CNTN3: variants seen among roughly 807,000 people sequenced by gnomAD.
CNTN3 encodes contactin 3.
In CNTN3, 60 loss-of-function variants were observed where a neutral mutation model predicts 119.1. That is an observed-to-expected ratio of 0.50 (90% CI 0.41 to 0.62). The LOEUF (loss-of-function observed/expected upper bound fraction) is 0.62. Among genes scored for constraint, CNTN3 ranks in the 20% least tolerant of loss-of-function variants. CNTN3 has a pLI of 0.00. For missense variants in CNTN3, 1,101 were observed against 1,242.4 expected (o/e 0.89, Z 1.71); for synonymous variants, 450 against 438.7 (o/e 1.03, Z -0.32).
intron 4 of CNTN3, among the ~76,000 whole-genome samples, chr3:74,475,177 C>G (rs1260927661): frequency 2.0e-5 from 3 of 152,180 alleles, no homozygotes; most frequent in East Asian, 3.9e-4. Context: ...ACCTGCTTCA[C>G]TCACTAACAT....
intron 11 of CNTN3, among the ~76,000 whole-genome samples, chr3:74,339,592 G>C (rs1703480813): frequency 6.6e-6 from 1 of 151,884 alleles, no homozygotes; most frequent in Non-Finnish European, 1.5e-5. Context: ...GTTCTTATTT[G>C]ACTAATATTT....
intron 13 of CNTN3, among the ~76,000 whole-genome samples, chr3:74,321,925 G>C (rs757468213): frequency 3.3e-5 from 5 of 152,036 alleles, no homozygotes; most frequent in Non-Finnish European, 5.9e-5. Context: ...GAAAGCACCA[G>C]GTCCAGATGG....
Position 74,365,719 on chromosome 3 carries a change from G to A in CNTN3, c.947-17C>T, listed in dbSNP as rs1170352007. ...GGGGCTTTGCTTCAATGAAAGAAAA[G>A]GAAAAAGAAAAGAAATTTAAACCAC... On this transcript the variant is annotated splice_polypyrimidine_tract_variant and intron_variant, in intron 8 of 22. Coordinates refer to ENST00000263665, the MANE Select transcript of CNTN3 (RefSeq NM_020872.3). 3.8e-6 allele frequency: 6 copies of A among 1,583,242 alleles called. No individual in the cohort carries two copies. The Admixed American group carries it at 5.5e-5, about 15-fold the overall frequency.
At chr3:74,287,953 C>T (rs561757685) in intron 19 of CNTN3, among the ~76,000 whole-genome samples, 108 of 152,272 alleles carry the variant, frequency 7.1e-4, no homozygotes, top group African/African-American at 2.5e-3. Flanking sequence ...CACTTGAATG[C>T]ATTTTTGCCT....
Position 74,599,578 on chromosome 3 carries a change from T to C in CNTN3, c.-81+14813A>G, listed in dbSNP as rs1011748019. On this transcript the variant is annotated intron_variant, in intron 1 of 22. Transcript: ENST00000263665. The stretch of plus-strand genomic sequence containing the variant: ...ATCCCTCACATACGCAATTCACAAA[T>C]GGGTTTGCACTCCTATGAGGATCTC... Among the ~76,000 whole-genome samples the C allele has an allele frequency of 3.9e-5, 6 of 151,996 alleles. No individual in the cohort carries two copies. In the East Asian group the frequency reaches 9.7e-4, roughly 25 times the overall value.
intron 1 of CNTN3, among the ~76,000 whole-genome samples, chr3:74,587,170 G>A (rs201583010): frequency 6.6e-6 from 1 of 152,142 alleles, no homozygotes; most frequent in South Asian, 2.1e-4. Context: ...AATGTGGGTG[G>A]GAGGTGGGGG....
chr3:74,455,295 C>T (rs1702246849), intron 4 of CNTN3, among the ~76,000 whole-genome samples: 4 of 151,998 alleles, frequency 2.6e-5, no homozygotes, highest in East Asian at 1.9e-4. Context: ...TTGATCGCAT[C>T]GGCTCCTGAG....
intron 5 of CNTN3, among the ~76,000 whole-genome samples, chr3:74,417,266 C>G (rs2106882031): frequency 6.6e-6 from 1 of 152,282 alleles, no homozygotes; most frequent in East Asian, 1.9e-4. Flanking sequence ...TCCTATCTAT[C>G]TTCCTATTTC....
chr3:74,596,880 C>A (rs1284125975), intron 1 of CNTN3, among the ~76,000 whole-genome samples: 1 of 151,964 alleles, frequency 6.6e-6, no homozygotes, highest in Admixed American at 6.6e-5. Flanking sequence ...GGCAGAGATC[C>A]AACATCTTCA....
intron 1 of CNTN3, among the ~76,000 whole-genome samples, chr3:74,531,269 G>T (rs1703689318): frequency 6.6e-6 from 1 of 151,952 alleles, no homozygotes. Context: ...CAGAAGTGGA[G>T]TGGGTGGGGC....
intron 1 of CNTN3, among the ~76,000 whole-genome samples, chr3:74,556,251 A>C (rs1232808621): frequency 6.6e-6 from 1 of 152,162 alleles, no homozygotes; most frequent in Non-Finnish European, 1.5e-5. Flanking sequence ...TAAGAACACT[A>C]TCTAATTTTC....
At chr3:74,477,561 G>A (rs1382039947) in intron 4 of CNTN3, among the ~76,000 whole-genome samples, 1 of 152,100 alleles carries the variant, frequency 6.6e-6, no homozygotes, top group Non-Finnish European at 1.5e-5. Flanking sequence ...AATAAGGATG[G>A]TTACTAGAGG....
At chr3:74,532,145 C>T (rs898714679) in intron 1 of CNTN3, among the ~76,000 whole-genome samples, 7 of 151,922 alleles carry the variant, frequency 4.6e-5, no homozygotes, top group African/African-American at 1.7e-4. Flanking sequence ...GAAGGATCAG[C>T]CACATAGTGG....
intron 4 of CNTN3, among the ~76,000 whole-genome samples, chr3:74,470,859 A>G (rs569579469): frequency 8.4e-5 from 11 of 130,576 alleles, no homozygotes; most frequent in Admixed American, 3.1e-4. Flanking sequence ...ATGCCAAAAC[A>G]TATTCGGTTT....
rs900013937 is a variant in CNTN3, at chr3:74,307,468, T to G, written c.1669-4661A>C. ...ATGGATTTGTAAGCCAAAGCATCCT[T>G]GAAATAAATGCTAAGGGAAAAGCCA... On this transcript the variant is annotated intron_variant, in intron 13 of 22. Coordinates refer to ENST00000263665, the MANE Select transcript of CNTN3 (RefSeq NM_020872.3). Among the ~76,000 whole-genome samples the G allele has an allele frequency of 1.9e-4, 29 of 152,246 alleles. 1 individual carries two copies. Among genetic ancestry groups the G allele is most frequent in the African/African-American group, 7.0e-4 (29 of 41,550 alleles).
chr3:74,597,089 G>T (rs6785957), intron 1 of CNTN3, among the ~76,000 whole-genome samples: 4 of 151,756 alleles, frequency 2.6e-5, no homozygotes, highest in South Asian at 2.1e-4. Flanking sequence ...TTAATGAGAG[G>T]GGGGAAGGAA....
chr3:74,544,609 C>A (rs1703887673), intron 1 of CNTN3, among the ~76,000 whole-genome samples: 1 of 151,864 alleles, frequency 6.6e-6, no homozygotes, highest in Admixed American at 6.6e-5. Flanking sequence ...GGGGGGAAAG[C>A]AGTGCGGGGG....
intron 5 of CNTN3, among the ~76,000 whole-genome samples, chr3:74,420,022 T>G (rs141868277): frequency 0.011 from 1,742 of 152,336 alleles, 36 homozygotes; most frequent in African/African-American, 0.039. Flanking sequence ...CTTCTATTTC[T>G]GGCTTTTGAT....
intron 4 of CNTN3, among the ~76,000 whole-genome samples, chr3:74,466,465 C>A (rs932081482): frequency 6.6e-6 from 1 of 152,042 alleles, no homozygotes; most frequent in Non-Finnish European, 1.5e-5. Context: ...AACTATTATG[C>A]TGAAAGTATC....
Sources: allele counts gnomAD v4.1 joint callset (sites outside exome capture counted in the v4.1 genomes callset), GRCh38; gene constraint gnomAD v4.1.1; transcripts MANE v1.5; gene names NCBI Gene and HGNC (gene_info 2026-07-23, HGNC 2026-07-21).